Variants in ASTN2 observed in about 807,000 individuals in gnomAD.
ASTN2 encodes astrotactin 2, also known as astrotactin-2.
Under a neutral mutation model 139.8 loss-of-function variants are expected in ASTN2, and 54 were observed. The observed-to-expected ratio is 0.39, with a 90% CI of 0.31 to 0.48. The LOEUF (loss-of-function observed/expected upper bound fraction) is 0.48. Among genes scored for constraint, ASTN2 ranks in the 20% least tolerant of loss-of-function variants. ASTN2 has a pLI of 0.95. For missense variants in ASTN2, 1,565 were observed against 1,725.1 expected, an observed-to-expected ratio of 0.91 and a Z score of 1.64; for synonymous variants, 756 against 719.5, an observed-to-expected ratio of 1.05 and a Z score of -0.81.
At chr9:117,374,369 TAAAAAAA>T (rs57428022) in intron 1 of ASTN2, among the ~76,000 whole-genome samples, 132 of 87,310 alleles carry the variant, frequency 1.5e-3, no homozygotes, top group East Asian at 5.4e-3. Flanking sequence ...AGGGCAGGGT[TAAAAAAA>T]AAAAAAAAAA....
At chr9:116,954,965 C>A (rs955744343) in intron 10 of ASTN2, among the ~76,000 whole-genome samples, 2 of 152,168 alleles carry the variant, frequency 1.3e-5, no homozygotes, top group African/African-American at 4.8e-5. Flanking sequence ...TTATATGTGC[C>A]AAAGTATAAG....
chr9:117,203,891 G>A (rs1361329574), intron 3 of ASTN2, among the ~76,000 whole-genome samples: 1 of 152,170 alleles, frequency 6.6e-6, no homozygotes, highest in African/African-American at 2.4e-5. Context: ...GGTGGAGAGG[G>A]TGTGTTTTTC....
At chr9:117,019,147 T>C (rs1837800500) in intron 6 of ASTN2, among the ~76,000 whole-genome samples, 1 of 151,746 alleles carries the variant, frequency 6.6e-6, no homozygotes, top group Non-Finnish European at 1.5e-5. Flanking sequence ...TGGTGGTAGC[T>C]GGAACATAAA....
rs1829139105 is a variant in ASTN2 at position 116,743,154 on chromosome 9, G to GCTGGTGGGGAGAATGCAACTGAGGCAAGA, written c.2397-9660_2397-9632dup. ...CTGTTTGGTAAGGGGGAGAGGCAAG[G>GCTGGTGGGGAGAATGCAACTGAGGCAAGA]CTGGTGGGGAGAATGCAACTGAGGC... On this transcript the variant is annotated intron_variant, in intron 13 of 22. Coordinates refer to ENST00000313400, the MANE Select transcript of ASTN2 (RefSeq NM_001365068.1). Among the ~76,000 whole-genome samples the GCTGGTGGGGAGAATGCAACTGAGGCAAGA allele has an allele frequency of 2.6e-5, 4 of 152,188 alleles. No homozygotes were observed. The South Asian group carries it at 8.3e-4, about 32-fold the overall frequency.
At chr9:117,029,604 A>G (rs932021643) in intron 6 of ASTN2, among the ~76,000 whole-genome samples, 4 of 152,056 alleles carry the variant, frequency 2.6e-5, no homozygotes. Context: ...ATGGTGTTTT[A>G]TCTGTCTCTC....
chr9:116,907,484 G>A (rs1265713447), intron 10 of ASTN2, among the ~76,000 whole-genome samples: 1 of 152,190 alleles, frequency 6.6e-6, no homozygotes, highest in Non-Finnish European at 1.5e-5. Context: ...GTTTCGGAGT[G>A]TGCTGCACCT....
At chr9:117,033,892 G>A (rs1361061595) in intron 6 of ASTN2, among the ~76,000 whole-genome samples, 1 of 152,130 alleles carries the variant, frequency 6.6e-6, no homozygotes, top group Non-Finnish European at 1.5e-5. Flanking sequence ...AAAGTGCTTT[G>A]TGTGCTACTC....
At chr9:117,322,914 C>T (rs190077346) in intron 1 of ASTN2, among the ~76,000 whole-genome samples, 1 of 152,230 alleles carries the variant, frequency 6.6e-6, no homozygotes, top group East Asian at 1.9e-4. Flanking sequence ...TTTCCTTCAA[C>T]CTTTCCAGTA....
At chr9:116,754,860 C>A (rs1829493978) in intron 13 of ASTN2, among the ~76,000 whole-genome samples, 1 of 152,152 alleles carries the variant, frequency 6.6e-6, no homozygotes. Context: ...ACACAATAAT[C>A]TCAAGATTAT....
At chr9:116,554,882 C>G (rs1351836368) in intron 19 of ASTN2, among the ~76,000 whole-genome samples, 1 of 151,700 alleles carries the variant, frequency 6.6e-6, no homozygotes, top group African/African-American at 2.4e-5. Context: ...TAATAATATC[C>G]CAGGTATGGC....
intron 6 of ASTN2, among the ~76,000 whole-genome samples, chr9:117,021,513 C>T (rs1307056786): frequency 4.6e-5 from 7 of 152,126 alleles, no homozygotes; most frequent in African/African-American, 7.2e-5. Context: ...AACATCATCT[C>T]GCTCTTTCAA....
At chr9:116,679,133 T>G (rs1859681313) in intron 16 of ASTN2, among the ~76,000 whole-genome samples, 1 of 152,206 alleles carries the variant, frequency 6.6e-6, no homozygotes, top group Non-Finnish European at 1.5e-5. Context: ...TAAAAATTTT[T>G]GAAGTTATCA....
intron 4 of ASTN2, among the ~76,000 whole-genome samples, chr9:117,128,464 A>AT (rs1829754517): frequency 2.8e-5 from 1 of 36,246 alleles, no homozygotes; most frequent in Non-Finnish European, 1.8e-4. Context: ...GATGTTATCT[A>AT]TAAGGGCAAT....
At chr9:116,689,626 T>G (rs1340830377) in intron 16 of ASTN2, among the ~76,000 whole-genome samples, 1 of 152,184 alleles carries the variant, frequency 6.6e-6, no homozygotes, top group Non-Finnish European at 1.5e-5. Flanking sequence ...TGCTAGGGCC[T>G]GCTTAGTCTT....
At chr9:117,268,255 G>T (rs1361991727) in intron 2 of ASTN2, among the ~76,000 whole-genome samples, 1 of 152,274 alleles carries the variant, frequency 6.6e-6, no homozygotes, top group East Asian at 1.9e-4. Flanking sequence ...AACAGTGGTC[G>T]ATATCAGGTG....
At chr9:116,895,470 A>G (rs1418039592) in intron 10 of ASTN2, among the ~76,000 whole-genome samples, 8 of 152,176 alleles carry the variant, frequency 5.3e-5, no homozygotes, top group Non-Finnish European at 1.0e-4. Context: ...GATGCTCTGT[A>G]TCTATTCATA....
At chr9:116,929,516 G>T (rs1221967093) in intron 10 of ASTN2, among the ~76,000 whole-genome samples, 1 of 152,116 alleles carries the variant, frequency 6.6e-6, no homozygotes, top group Non-Finnish European at 1.5e-5. Flanking sequence ...AGGCACATTT[G>T]CTCCCAAACA....
At chr9:117,295,114 G>A (rs970867986) in intron 1 of ASTN2, among the ~76,000 whole-genome samples, 1 of 152,090 alleles carries the variant, frequency 6.6e-6, no homozygotes, top group African/African-American at 2.4e-5. Flanking sequence ...TTGAAGCCAG[G>A]CATTTGAGAC....
At chr9:116,982,189 G>A (rs1399378292) in intron 7 of ASTN2, among the ~76,000 whole-genome samples, 1 of 152,174 alleles carries the variant, frequency 6.6e-6, no homozygotes, top group Non-Finnish European at 1.5e-5. Context: ...AAATCATCAT[G>A]TACTGCATTC....
Sources: gnomAD v4.1 joint callset for allele counts (sites outside exome capture counted in the v4.1 genomes callset) on GRCh38, gnomAD v4.1.1 for gene constraint, MANE v1.5 for transcripts, NCBI Gene and HGNC (gene_info 2026-07-23, HGNC 2026-07-21) for gene names.